The following EXD3 variants were observed in gnomAD, a reference collection of about 807,000 sequenced individuals.
EXD3 encodes the protein exonuclease 3'-5' domain containing 3, also known as exonuclease mut-7 homolog.
A neutral mutation model predicts 98.0 loss-of-function variants in EXD3; 92 were observed. The observed-to-expected ratio is 0.94, with a 90% CI of 0.79 to 1.12. EXD3 has a LOEUF of 1.12. EXD3 is among the 50% of genes most tolerant of loss of function. The pLI is 0.00. For missense variants in EXD3, 1,222 were observed against 1,191.6 expected (o/e 1.03, Z -0.38); for synonymous variants, 569 against 526.0 (o/e 1.08, Z -1.12).
chr9:137,340,320 T>C (rs1049807337), intron 17 of EXD3, among the ~76,000 whole-genome samples: 22 of 151,748 alleles, frequency 1.4e-4, no homozygotes, highest in African/African-American at 5.1e-4. Flanking sequence ...CTACCAAACA[T>C]ACAAAAATTA....
chr9:137,327,808 TA>T (rs1433277026), intron 17 of EXD3, among the ~76,000 whole-genome samples: 1 of 97,760 alleles, frequency 1.0e-5, no homozygotes, highest in African/African-American at 3.9e-5. Context: ...ACATGATGAG[TA>T]AAAACAACTA....
intron 2 of EXD3, among the ~76,000 whole-genome samples, chr9:137,391,561 T>C (rs7465828): frequency 5.0e-4 from 75 of 148,696 alleles, no homozygotes; most frequent in African/African-American, 1.2e-3. Flanking sequence ...AGGGCCGGCC[T>C]CCCCGCCCCA....
intron 3 of EXD3, among the ~76,000 whole-genome samples, chr9:137,375,370 G>C (rs1379162352): frequency 6.6e-6 from 1 of 152,178 alleles, no homozygotes; most frequent in Non-Finnish European, 1.5e-5. Context: ...GTGAGTTCTA[G>C]CTCTAGTGAG....
At position 137,355,394 on chromosome 9, in the gene EXD3, C is replaced by T. The variant is rs921646910; in HGVS notation, c.758-621G>A. Among the ~76,000 whole-genome samples, 76 of 130,806 alleles carry T rather than the reference C, an allele frequency of 5.8e-4. 5 individuals carry two copies. Among genetic ancestry groups the T allele is most frequent in the South Asian group, 1.8e-3 (7 of 3,784 alleles). 85.8% of individuals were successfully genotyped at this position (130,806 alleles called of 152,430 possible). On this transcript the variant is annotated intron_variant, in intron 8 of 21. Transcript: ENST00000340951. ...CAGAGCGCAGCCACGGGGAGCCGGG[C>T]GACCATCTGCCCTGAGGCAGGGAGG...
chr9:137,402,201 A>G (rs1003356380), intron 1 of EXD3, among the ~76,000 whole-genome samples: 2 of 151,982 alleles, frequency 1.3e-5, no homozygotes, highest in African/African-American at 4.8e-5. Flanking sequence ...TTTTTAGTAG[A>G]GATGTGGTTT....
intron 19 of EXD3, among the ~76,000 whole-genome samples, chr9:137,313,199 T>C (rs1486121842): frequency 1.3e-5 from 2 of 152,010 alleles, no homozygotes; most frequent in Non-Finnish European, 2.9e-5. Context: ...GGCCACAGCA[T>C]GTGGGGAACC....
chr9:137,395,242 A>ACC lies in EXD3; in HGVS notation c.55+60_55+61insGG. The ACC allele has an allele frequency of 8.8e-7, 1 of 1,140,504 alleles. No individual in the cohort carries two copies. The highest frequency in any genetic ancestry group is 1.3e-6 in the Non-Finnish European group (1 of 755,512). The allele number at this position is 1,140,504 out of a possible 1,614,324, so 70.6% of individuals were successfully genotyped here. On this transcript the variant is annotated intron_variant, in intron 2 of 21. Coordinates refer to ENST00000340951, the MANE Select transcript of EXD3 (RefSeq NM_017820.5). This position sits in a 1 kb window ranked among gnomAD's most constrained non-coding sequence, Gnocchi z 6.5. Reference sequence around the variant, plus strand: ...CAGTGGGCGCCACCACCCCCCATGCACACCCACGCACCTCCCCCCACAGCC... The same window carrying ACC: ...CAGTGGGCGCCACCACCCCCCATGCACCCACCCACGCACCTCCCCCCACAGCC...
chr9:137,352,858 C>A, intron 10 of EXD3, 72 bp from the exon 11 acceptor site: 1 of 1,500,692 alleles, frequency 6.7e-7, no homozygotes, highest in Non-Finnish European at 8.9e-7. Flanking sequence ...CCGAGGGACC[C>A]CCGTAGACCC....
rs1400867466 is a variant in EXD3 at position 137,395,624 on chromosome 9, C to T, written c.-47-220G>A. Among the ~76,000 whole-genome samples, 4 of 151,466 alleles carry T rather than the reference C, an allele frequency of 2.6e-5. No homozygotes were observed. The highest frequency in any genetic ancestry group is 3.9e-4 in the East Asian group (2 of 5,104). On this transcript the variant is annotated intron_variant, in intron 1 of 21. Transcript: ENST00000340951. The surrounding 1 kb of genome is among the most constrained non-coding windows in gnomAD (Gnocchi z 6.5). ...CCTGCATTCCAGTTCCCTGCCAAAC[C>T]GTCCCAGCTTTCAGCAGGGAGGGCA...
intron 1 of EXD3, among the ~76,000 whole-genome samples, chr9:137,420,750 A>C (rs998175400): frequency 3.9e-4 from 34 of 86,316 alleles, no homozygotes; most frequent in East Asian, 3.1e-3. Context: ...CCCCCCCCCA[A>C]ATTCATACAG....
intron 18 of EXD3, 114 bp from the exon 19 acceptor site, chr9:137,323,970 C>T (rs988283566): frequency 3.6e-5 from 55 of 1,525,266 alleles, no homozygotes; most frequent in Middle Eastern, 3.4e-4. Context: ...ACCAGGGGTA[C>T]GGCAGAGGCG....
intron 10 of EXD3, chr9:137,353,979 G>T: frequency 3.6e-6 from 4 of 1,100,536 alleles, no homozygotes; most frequent in Non-Finnish European, 4.4e-6. Context: ...CGGGCTGGGG[G>T]GGCCTGGCCT....
intron 17 of EXD3, among the ~76,000 whole-genome samples, chr9:137,334,452 T>G (rs1409604189): frequency 6.6e-6 from 1 of 152,148 alleles, no homozygotes; most frequent in Non-Finnish European, 1.5e-5. Flanking sequence ...AACGGATCTT[T>G]GACAAAGTAT....
intron 5 of EXD3, among the ~76,000 whole-genome samples, chr9:137,372,242 A>G (rs188547804): frequency 6.6e-6 from 1 of 152,202 alleles, no homozygotes; most frequent in African/African-American, 2.4e-5. Flanking sequence ...GATCCGACGC[A>G]TCTCGCACCT....
In EXD3 at chr9:137,395,026, A is replaced by C. The variant is rs897774319; in HGVS notation, c.55+277T>G. Among the ~76,000 whole-genome samples the C allele has an allele frequency of 1.3e-5, 2 of 151,176 alleles. No individual in the cohort carries two copies. The highest frequency in any genetic ancestry group is 2.9e-5 in the Non-Finnish European group (2 of 67,798). On this transcript the variant is annotated intron_variant, in intron 2 of 21. Coordinates refer to ENST00000340951, the MANE Select transcript of EXD3 (RefSeq NM_017820.5). This position sits in a 1 kb window ranked among gnomAD's most constrained non-coding sequence, Gnocchi z 6.5. ...CCTGAGCAGCTGCACTGTCCCCGCC[A>C]CCTCCCCCGGATCCTGTCACAGGCC...
Position 137,354,523 on chromosome 9 carries a change from A to T in EXD3, c.832-146T>A. 2.0e-6 allele frequency: 3 copies of T among 1,538,290 alleles called. No individual in the cohort carries two copies. In the African/African-American group the frequency reaches 4.1e-5, roughly 21 times the overall value. On this transcript the variant is annotated intron_variant, in intron 9 of 21. Coordinates refer to ENST00000340951, the MANE Select transcript of EXD3 (RefSeq NM_017820.5). The stretch of plus-strand genomic sequence containing the variant: ...CGCCCTGGTGCCACAGCCCAGAGCC[A>T]GGGCCCCATGGCCTCCCCTTCACCC...
intron 17 of EXD3, among the ~76,000 whole-genome samples, chr9:137,333,905 T>A (rs1374011581): frequency 6.6e-6 from 1 of 151,988 alleles, no homozygotes; most frequent in Non-Finnish European, 1.5e-5. Flanking sequence ...TGCAGTGACG[T>A]CATCTCCGCT....
rs914304885 is a variant in EXD3 at position 137,393,706 on chromosome 9, T to C, written c.55+1597A>G. Among the ~76,000 whole-genome samples, 3 of 152,140 alleles carry C rather than the reference T, an allele frequency of 2.0e-5. No individual in the cohort carries two copies. Among genetic ancestry groups the C allele is most frequent in the Admixed American group, 2.0e-4 (3 of 15,284 alleles). On this transcript the variant is annotated intron_variant, in intron 2 of 21. Coordinates refer to ENST00000340951, the MANE Select transcript of EXD3 (RefSeq NM_017820.5). The surrounding 1 kb of genome is among the most constrained non-coding windows in gnomAD (Gnocchi z 4.6). ...AACTGAGGCAGAGAGCCTCAGCTGCTGCCATGTGGGAGCAGGGCTTTCACA... is the reference window on the plus strand; with the variant it reads ...AACTGAGGCAGAGAGCCTCAGCTGCCGCCATGTGGGAGCAGGGCTTTCACA...
chr9:137,383,350 G>A lies in EXD3; in HGVS notation c.83C>T (p.Ala28Val), dbSNP rs937034031. 1.5e-5 allele frequency: 23 copies of A among 1,550,192 alleles called. No homozygotes were observed. Among genetic ancestry groups the A allele is most frequent in the Middle Eastern group, 1.7e-4 (1 of 5,988 alleles). Residue 28 changes from alanine (A) to valine (V), a missense_variant, in exon 3 of 22, where the codon GCC becomes GTC. Transcript: ENST00000340951. ...CCGCGTGGACCACAGGGTCTGCAGG[G>A]CCTGCAGGAGCAGGAGGGGGTCCCG... Reference protein sequence around the residue: ...MGRDPLLLLQALQTLWSTRER... With the variant: ...MGRDPLLLLQVLQTLWSTRER...
Sources: gnomAD v4.1 joint callset for allele counts (sites outside exome capture counted in the v4.1 genomes callset) on GRCh38, gnomAD v4.1.1 for gene constraint, Gnocchi (gnomAD v3.1) non-coding constraint, MANE v1.5 for transcripts, NCBI Gene and HGNC (gene_info 2026-07-23, HGNC 2026-07-21) for gene names.